SDK1: variants seen among roughly 807,000 people sequenced by gnomAD.
SDK1 encodes the protein sidekick cell adhesion molecule 1.
SDK1 carries 157 observed loss-of-function variants against 245.5 expected under a neutral mutation model. That is an observed-to-expected ratio of 0.64 (90% confidence interval 0.56 to 0.73). The LOEUF is 0.73. Among genes scored for constraint, SDK1 ranks in the 30% least tolerant of loss-of-function variants. The probability of loss-of-function intolerance (pLI) is 0.00; values close to 1 mark genes in which losing one functional copy is unlikely to be tolerated. For missense variants in SDK1, 3,583 were observed against 3,002.3 expected (o/e 1.19, Z -4.52); for synonymous variants, 1,647 against 1,278.5 (o/e 1.29, Z -6.15).
At chr7:3,664,584 AC>A (rs1254251220) in intron 4 of SDK1, among the ~76,000 whole-genome samples, 1 of 152,068 alleles carries the variant, frequency 6.6e-6, no homozygotes, top group Non-Finnish European at 1.5e-5. Flanking sequence ...TACTAAAAAT[AC>A]AAAAATTGGC....
intron 1 of SDK1, among the ~76,000 whole-genome samples, chr7:3,364,159 A>G (rs1381606996): frequency 6.6e-6 from 1 of 152,146 alleles, no homozygotes; most frequent in African/African-American, 2.4e-5. Context: ...TTGAATTTTA[A>G]GAGTTCTTTA....
chr7:3,856,344 C>T (rs1350094811), intron 5 of SDK1, among the ~76,000 whole-genome samples: 1 of 151,868 alleles, frequency 6.6e-6, no homozygotes, highest in Admixed American at 6.6e-5. Context: ...AATGAAACAA[C>T]CTAGAATTTT....
At chr7:3,392,625 C>T (rs185832021) in intron 1 of SDK1, among the ~76,000 whole-genome samples, 1 of 152,152 alleles carries the variant, frequency 6.6e-6, no homozygotes, top group Non-Finnish European at 1.5e-5. Flanking sequence ...TTCTTCCTCC[C>T]TCCAACCCTG....
At chr7:3,963,691 C>T (rs1443575606) in intron 9 of SDK1, among the ~76,000 whole-genome samples, 3 of 119,330 alleles carry the variant, frequency 2.5e-5, no homozygotes, top group Non-Finnish European at 5.3e-5. Context: ...AGTGGGTACA[C>T]CCAGGCTCAC....
At chr7:3,364,099 T>C (rs1210409328) in intron 1 of SDK1, among the ~76,000 whole-genome samples, 1 of 152,216 alleles carries the variant, frequency 6.6e-6, no homozygotes, top group African/African-American at 2.4e-5. Context: ...TCCTCTTCAG[T>C]GAAACGTTTA....
rs113502800 is a variant in SDK1 at position 3,879,576 on chromosome 7, C to G, written c.847+57993C>G. Reference sequence around the variant, plus strand: ...CCAATTCTGTACCGGCTCCTGGCAGCCAGCCACGCTCCCGGTACTCAGCCT... The same window carrying G: ...CCAATTCTGTACCGGCTCCTGGCAGGCAGCCACGCTCCCGGTACTCAGCCT... On this transcript the variant is annotated intron_variant, in intron 5 of 44. Transcript: ENST00000404826. Among the ~76,000 whole-genome samples, 70 of 152,328 alleles carry G rather than the reference C, an allele frequency of 4.6e-4. 1 individual carries two copies. The highest frequency in any genetic ancestry group is 1.5e-3 in the African/African-American group (63 of 41,572).
intron 1 of SDK1, among the ~76,000 whole-genome samples, chr7:3,552,928 G>T (rs1472463685): frequency 6.6e-6 from 1 of 152,098 alleles, no homozygotes; most frequent in Admixed American, 6.5e-5. Context: ...ATTTAAATCA[G>T]TGTCTTACAC....
chr7:3,851,155 GA>G (rs1285973626), intron 5 of SDK1, among the ~76,000 whole-genome samples: 3 of 152,168 alleles, frequency 2.0e-5, no homozygotes, highest in Non-Finnish European at 4.4e-5. Flanking sequence ...TTGTTGGAGT[GA>G]AAATTATCAT....
At chr7:3,736,233 A>T (rs1779314780) in intron 4 of SDK1, among the ~76,000 whole-genome samples, 1 of 152,162 alleles carries the variant, frequency 6.6e-6, no homozygotes, top group African/African-American at 2.4e-5. Flanking sequence ...CACACTTAAT[A>T]TATAATCTAG....
At chr7:4,088,383 G>A (rs1043708559) in intron 22 of SDK1, among the ~76,000 whole-genome samples, 17 of 151,640 alleles carry the variant, frequency 1.1e-4, no homozygotes, top group Non-Finnish European at 1.6e-4. Flanking sequence ...CTATCATATC[G>A]AATTGGGACA....
At chr7:3,880,696 C>G (rs1005998580) in intron 5 of SDK1, among the ~76,000 whole-genome samples, 1 of 152,060 alleles carries the variant, frequency 6.6e-6, no homozygotes, top group East Asian at 1.9e-4. Flanking sequence ...AAAACACATT[C>G]CCCAGGTCGA....
intron 1 of SDK1, among the ~76,000 whole-genome samples, chr7:3,584,457 G>T (rs1232816737): frequency 6.6e-6 from 1 of 152,132 alleles, no homozygotes; most frequent in Non-Finnish European, 1.5e-5. Flanking sequence ...TGCAAACAGG[G>T]TTGCTAAGCG....
chr7:3,617,374 A>G (rs1180242093), intron 1 of SDK1, among the ~76,000 whole-genome samples: 3 of 152,328 alleles, frequency 2.0e-5, no homozygotes, highest in Non-Finnish European at 4.4e-5. Context: ...TGTAAATGGA[A>G]TAAACATAAT....
chr7:3,794,980 T>C (rs1336138811), intron 4 of SDK1, among the ~76,000 whole-genome samples: 3 of 152,174 alleles, frequency 2.0e-5, no homozygotes, highest in Non-Finnish European at 4.4e-5. Context: ...TATTACAGTA[T>C]TAAGGACGAA....
At chr7:3,579,753 A>T (rs555718387) in intron 1 of SDK1, among the ~76,000 whole-genome samples, 1 of 152,200 alleles carries the variant, frequency 6.6e-6, no homozygotes, top group Non-Finnish European at 1.5e-5. Flanking sequence ...CAGTGTTGCA[A>T]TTCCCCAAAG....
chr7:4,204,642 CCATCGATGGTCCGTAAAGA>C (rs1784089833), intron 35 of SDK1, among the ~76,000 whole-genome samples: 1 of 152,146 alleles, frequency 6.6e-6, no homozygotes, highest in Non-Finnish European at 1.5e-5. Flanking sequence ...TTTATCGTCT[CCATCGATGGTCCGTAAAGA>C]CACTCAGTCA....
At chr7:3,583,433 A>C (rs1383028739) in intron 1 of SDK1, among the ~76,000 whole-genome samples, 1 of 152,174 alleles carries the variant, frequency 6.6e-6, no homozygotes, top group East Asian at 1.9e-4. Context: ...GTATTAGAAC[A>C]CAAGGAGAGT....
At chr7:4,144,813 G>T (rs1049070600) in intron 28 of SDK1, among the ~76,000 whole-genome samples, 10 of 152,204 alleles carry the variant, frequency 6.6e-5, no homozygotes, top group African/African-American at 1.7e-4. Context: ...GCGCGGCTCT[G>T]TTCCCCCCGT....
chr7:4,075,764 C>A (rs562885211), intron 20 of SDK1, among the ~76,000 whole-genome samples: 1 of 151,954 alleles, frequency 6.6e-6, no homozygotes, highest in Admixed American at 6.6e-5. Flanking sequence ...GAGTGATTCT[C>A]GTGCCTCAGC....
Sources: allele counts gnomAD v4.1 joint callset (sites outside exome capture counted in the v4.1 genomes callset), GRCh38; gene constraint gnomAD v4.1.1; transcripts MANE v1.5; gene names NCBI Gene and HGNC (gene_info 2026-07-23, HGNC 2026-07-21).